Variants in SNTG1 observed in about 807,000 individuals in gnomAD.
The protein encoded by SNTG1 is gamma-1-syntrophin.
SNTG1 carries 39 observed loss-of-function variants against 74.7 expected under a neutral mutation model. The ratio of observed to expected loss-of-function variants is 0.52; its 90% confidence interval spans 0.40 to 0.68. SNTG1 has a LOEUF of 0.68. Ranked by LOEUF, SNTG1 falls within the 30% of genes least tolerant of loss-of-function variation. SNTG1 has a pLI of 0.00. For synonymous variants in SNTG1, 254 were observed against 217.1 expected, an observed-to-expected ratio of 1.17 and a Z score of -1.49; for missense variants, 685 against 609.5, an observed-to-expected ratio of 1.12 and a Z score of -1.30.
intron 11 of SNTG1, among the ~76,000 whole-genome samples, chr8:50,552,230 C>T (rs1585659613): frequency 1.3e-5 from 2 of 152,092 alleles, no homozygotes; most frequent in Admixed American, 1.3e-4. Context: ...TTTATCTATT[C>T]CTGTCCATTA....
intron 2 of SNTG1, among the ~76,000 whole-genome samples, chr8:50,347,457 A>G (rs2091515124): frequency 6.6e-6 from 1 of 152,220 alleles, no homozygotes; most frequent in African/African-American, 2.4e-5. Context: ...AAAAGCTCTG[A>G]TGGAAACCTG....
chr8:50,652,714 T>A (rs1369960503), intron 13 of SNTG1, among the ~76,000 whole-genome samples: 1 of 152,050 alleles, frequency 6.6e-6, no homozygotes, highest in Non-Finnish European at 1.5e-5. Flanking sequence ...GGAGAATCAC[T>A]TGAACCCAGG....
chr8:50,462,709 C>G (rs781484281), intron 8 of SNTG1, among the ~76,000 whole-genome samples: 1 of 144,792 alleles, frequency 6.9e-6, no homozygotes. Context: ...AAACCACTTT[C>G]TTTGCTCTTC....
chr8:50,695,762 G>A (rs760042277), intron 15 of SNTG1, among the ~76,000 whole-genome samples: 4 of 151,434 alleles, frequency 2.6e-5, no homozygotes, highest in Non-Finnish European at 4.4e-5. Context: ...TTAGGATAAC[G>A]GCCTCCAGTT....
At chr8:49,966,355 A>G (rs1811137752) in intron 1 of SNTG1, among the ~76,000 whole-genome samples, 1 of 152,116 alleles carries the variant, frequency 6.6e-6, no homozygotes, top group Non-Finnish European at 1.5e-5. Context: ...TCCTGTTTAA[A>G]AAAAGTCTAT....
chr8:50,674,471 A>G (rs1201002950), intron 15 of SNTG1, among the ~76,000 whole-genome samples: 1 of 151,832 alleles, frequency 6.6e-6, no homozygotes, highest in East Asian at 1.9e-4. Flanking sequence ...AGAGGTATTT[A>G]TAGTATTCTC....
chr8:50,556,730 A>C (rs2094457695), intron 12 of SNTG1, among the ~76,000 whole-genome samples: 1 of 152,190 alleles, frequency 6.6e-6, no homozygotes, highest in African/African-American at 2.4e-5. Flanking sequence ...GTAGGTTAGT[A>C]AGATGCACCT....
At chr8:50,663,720 T>A (rs2095236823) in intron 15 of SNTG1, among the ~76,000 whole-genome samples, 1 of 152,200 alleles carries the variant, frequency 6.6e-6, no homozygotes, top group South Asian at 2.1e-4. Context: ...TCTTAGCCTA[T>A]TCTCTTGTCT....
intron 1 of SNTG1, among the ~76,000 whole-genome samples, chr8:50,102,700 G>A (rs1373384292): frequency 4.6e-5 from 7 of 150,978 alleles, no homozygotes; most frequent in Admixed American, 2.0e-4. Flanking sequence ...TAGGTCTAAC[G>A]TTTAAATCTT....
At chr8:50,464,952 G>GGA (rs1554535645) in intron 8 of SNTG1, among the ~76,000 whole-genome samples, 3 of 143,566 alleles carry the variant, frequency 2.1e-5, no homozygotes, top group Non-Finnish European at 4.5e-5. Flanking sequence ...CATGCTGTTG[G>GGA]AAAAAAAAAA....
chr8:50,185,596 T>C (rs1479222472), intron 2 of SNTG1, among the ~76,000 whole-genome samples: 1 of 152,220 alleles, frequency 6.6e-6, no homozygotes, highest in Non-Finnish European at 1.5e-5. Context: ...TAAATGTATA[T>C]GTGAAAACTG....
At chr8:50,429,337 T>G (rs1345859327) in intron 4 of SNTG1, among the ~76,000 whole-genome samples, 1 of 152,082 alleles carries the variant, frequency 6.6e-6, no homozygotes. Flanking sequence ...AATAAACAAA[T>G]TCATAGTCGA....
At chr8:50,546,519 C>G (rs2094389162) in intron 11 of SNTG1, among the ~76,000 whole-genome samples, 1 of 150,482 alleles carries the variant, frequency 6.6e-6, no homozygotes, top group Non-Finnish European at 1.5e-5. Flanking sequence ...TCTCCTAATG[C>G]TCTCCCTCCC....
At chr8:50,068,247 T>C (rs1167189167) in intron 1 of SNTG1, among the ~76,000 whole-genome samples, 1 of 152,122 alleles carries the variant, frequency 6.6e-6, no homozygotes, top group Non-Finnish European at 1.5e-5. Context: ...TGAGAGAGGC[T>C]CTGGGAATGT....
chr8:50,445,044 A>G (rs993076293), intron 5 of SNTG1, among the ~76,000 whole-genome samples: 2 of 152,274 alleles, frequency 1.3e-5, no homozygotes, highest in African/African-American at 2.4e-5. Flanking sequence ...TTTATTCATC[A>G]CCCTTTTATC....
intron 18 of SNTG1, among the ~76,000 whole-genome samples, chr8:50,752,995 T>A (rs539572479): frequency 6.6e-6 from 1 of 152,108 alleles, no homozygotes; most frequent in South Asian, 2.1e-4. Context: ...AGTTCACAGG[T>A]TGTGTAATGT....
intron 1 of SNTG1, among the ~76,000 whole-genome samples, chr8:50,041,042 A>G (rs1818596974): frequency 6.6e-6 from 1 of 151,990 alleles, no homozygotes; most frequent in African/African-American, 2.4e-5. Context: ...GATTACAGGC[A>G]TGTTCCACCA....
chr8:50,521,747 C>A (rs542322212), intron 9 of SNTG1, among the ~76,000 whole-genome samples: 2 of 152,254 alleles, frequency 1.3e-5, no homozygotes, highest in East Asian at 3.9e-4. Context: ...ACTTTATTGT[C>A]ATTTCAACAA....
In SNTG1 at chr8:50,718,341, T is replaced by C. The variant is rs542434214; in HGVS notation, c.1284+9363T>C. ...CAAATCTGAGGAACTTTGGACTTCA[T>C]GTTGAAGAGTTGGCACTTACATCAG... On this transcript the variant is annotated intron_variant, in intron 17 of 18. Transcript: ENST00000642720. Among the ~76,000 whole-genome samples, 5 of 152,284 alleles carry C rather than the reference T, an allele frequency of 3.3e-5. No homozygotes were observed. The South Asian group carries it at 1.0e-3, about 32-fold the overall frequency.
Sources: allele counts gnomAD v4.1 joint callset (sites outside exome capture counted in the v4.1 genomes callset), GRCh38; gene constraint gnomAD v4.1.1; transcripts MANE v1.5; gene names NCBI Gene and HGNC (gene_info 2026-07-23, HGNC 2026-07-21).